The following LCK variants were observed in gnomAD, a reference collection of about 807,000 sequenced individuals.
LCK encodes LCK proto-oncogene, Src family tyrosine kinase.
A neutral mutation model predicts 64.6 loss-of-function variants in LCK; 14 were observed. The ratio of observed to expected loss-of-function variants is 0.22; its 90% confidence interval spans 0.14 to 0.34. The LOEUF (loss-of-function observed/expected upper bound fraction) is 0.34. LCK is among the 10% of genes least tolerant of loss of function. The pLI, the probability that LCK is intolerant of heterozygous loss-of-function variation, is 1.00. For missense variants in LCK, 434 were observed against 668.1 expected, an observed-to-expected ratio of 0.65 and a Z score of 3.86; for synonymous variants, 277 against 263.6, an observed-to-expected ratio of 1.05 and a Z score of -0.49.
intron 1 of LCK, among the ~76,000 whole-genome samples, chr1:32,254,063 T>C (rs745837434): frequency 1.1e-4 from 17 of 151,976 alleles, no homozygotes; most frequent in South Asian, 2.1e-4. Context: ...GGGTAGGTGG[T>C]GAGGAGCAGG....
At chr1:32,255,003 A>T (rs1374550815) in intron 1 of LCK, among the ~76,000 whole-genome samples, 3 of 152,162 alleles carry the variant, frequency 2.0e-5, no homozygotes, top group Non-Finnish European at 2.9e-5. Flanking sequence ...TTTAAAAAAA[A>T]AATAAAATTT....
Position 32,276,940 on chromosome 1 carries a change from C to G in LCK, c.964+154C>G. The G allele has an allele frequency of 1.3e-6, 1 of 766,686 alleles. No homozygotes were observed. The allele number at this position is 766,686 out of a possible 1,614,324, so 47.5% of individuals were successfully genotyped here. On this transcript the variant is annotated intron_variant, in intron 9 of 12. Coordinates refer to ENST00000336890, the MANE Select transcript of LCK (RefSeq NM_005356.5). This position sits in a 1 kb window ranked among gnomAD's most constrained non-coding sequence, Gnocchi z 4.6. ...CTGGAGACTCACCTCCAGCCGGGCGCGGTGGCTCAGGCCTGTAATCCCAGC... is the reference window on the plus strand; with the variant it reads ...CTGGAGACTCACCTCCAGCCGGGCGGGGTGGCTCAGGCCTGTAATCCCAGC...
Position 32,274,189 on chromosome 1 carries a change from G to T in LCK, c.-5-136G>T, listed in dbSNP as rs539319786. 3.4e-5 allele frequency: 51 copies of T among 1,510,506 alleles called. No individual in the cohort carries two copies. In the African/African-American group the frequency reaches 6.2e-4, roughly 18 times the overall value. 93.6% of individuals were successfully genotyped at this position (1,510,506 alleles called of 1,614,324 possible). On this transcript the variant is annotated intron_variant, in intron 1 of 12. Transcript: ENST00000336890. ...GGACCCCCTATTTTAGCTTTTCTGTGGCTGGTGAATGGGGATCCCAGGATC... is the reference window on the plus strand; with the variant it reads ...GGACCCCCTATTTTAGCTTTTCTGTTGCTGGTGAATGGGGATCCCAGGATC...
Position 32,285,591 on chromosome 1 carries a change from C to A in LCK, c.1405C>A (p.Leu469Met), listed in dbSNP as rs767828400. ...MVRPDNCPEE[L>M]YQLMRLCWKE... ...GCGCCCTGACAACTGTCCAGAGGAG[C>A]TGTACCAACTCATGAGGCTGTGCTG... Residue 469 changes from leucine to methionine, a missense_variant, in exon 13 of 13, where the codon CTG becomes ATG. Physicochemically the swap from Leu to Met is conservative, Grantham distance 15. Coordinates refer to ENST00000336890, the MANE Select transcript of LCK (RefSeq NM_005356.5). 1.5e-5 allele frequency: 24 copies of A among 1,614,224 alleles called. No homozygotes were observed. The South Asian group carries it at 2.5e-4, about 17-fold the overall frequency.
chr1:32,266,040 G>A (rs980982059), intron 1 of LCK, among the ~76,000 whole-genome samples: 2 of 152,098 alleles, frequency 1.3e-5, no homozygotes, highest in Admixed American at 6.6e-5. Flanking sequence ...GCTCACTGCC[G>A]CCTCAACCTC....
At chr1:32,272,644 AGAGAGC>A (rs1256885781) in intron 1 of LCK, among the ~76,000 whole-genome samples, 51 of 132,488 alleles carry the variant, frequency 3.8e-4, no homozygotes, top group African/African-American at 2.1e-3. Flanking sequence ...AGAGAGAGAG[AGAGAGC>A]GAGAGAGCGC....
At chr1:32,267,960 C>G (rs529018483) in intron 1 of LCK, among the ~76,000 whole-genome samples, 1 of 151,716 alleles carries the variant, frequency 6.6e-6, no homozygotes, top group African/African-American at 2.4e-5. Flanking sequence ...TTTGGGAGGC[C>G]GAGGCAGGAG....
chr1:32,271,768 A>G (rs1470878492), intron 1 of LCK, among the ~76,000 whole-genome samples: 1 of 152,208 alleles, frequency 6.6e-6, no homozygotes, highest in Non-Finnish European at 1.5e-5. Context: ...TCCAGTTGAC[A>G]TTTATTAACT....
At chr1:32,253,035 T>C (rs1639545167) in intron 1 of LCK, among the ~76,000 whole-genome samples, 1 of 152,060 alleles carries the variant, frequency 6.6e-6, no homozygotes, top group Admixed American at 6.6e-5. Context: ...AGTGGCTTCA[T>C]CTCTCTCTCT....
intron 1 of LCK, among the ~76,000 whole-genome samples, chr1:32,265,727 C>A (rs1322865803): frequency 6.6e-6 from 1 of 152,166 alleles, no homozygotes; most frequent in East Asian, 1.9e-4. Context: ...CAGGTACCAG[C>A]TTCCAGCCCC....
In LCK at chr1:32,275,474, C is replaced by G; in HGVS notation, c.377+55C>G. ...AGGAGCAGATCTAGGGATCCTGGAG[C>G]AGGGAGTAGGCCTGGGGTGGCGGTG... On this transcript the variant is annotated intron_variant, in intron 5 of 12. Coordinates refer to ENST00000336890, the MANE Select transcript of LCK (RefSeq NM_005356.5). The surrounding 1 kb of genome is among the most constrained non-coding windows in gnomAD (Gnocchi z 6.9). 3.8e-6 allele frequency: 6 copies of G among 1,588,184 alleles called. No individual in the cohort carries two copies. The highest frequency in any genetic ancestry group is 5.2e-6 in the Non-Finnish European group (6 of 1,160,616).
At chr1:32,260,219 G>T (rs1639733459) in intron 1 of LCK, among the ~76,000 whole-genome samples, 1 of 151,978 alleles carries the variant, frequency 6.6e-6, no homozygotes. Flanking sequence ...CGCCATGTTG[G>T]CCAGAATGGT....
At chr1:32,269,042 G>A (rs1640006377) in intron 1 of LCK, among the ~76,000 whole-genome samples, 1 of 150,968 alleles carries the variant, frequency 6.6e-6, no homozygotes, top group African/African-American at 2.4e-5. Flanking sequence ...GGCTGAGGGA[G>A]GAGAGACAGA....
chr1:32,252,604 G>C (rs917514338), intron 1 of LCK, among the ~76,000 whole-genome samples: 1 of 152,138 alleles, frequency 6.6e-6, no homozygotes, highest in Non-Finnish European at 1.5e-5. Flanking sequence ...ATTCACCCTG[G>C]ACAGGCATGA....
chr1:32,262,046 G>T (rs1451925262), intron 1 of LCK, among the ~76,000 whole-genome samples: 1 of 147,394 alleles, frequency 6.8e-6, no homozygotes, highest in Non-Finnish European at 1.5e-5. Context: ...ACCACACCCA[G>T]ATAATCTTTG....
In LCK at chr1:32,285,504, C is replaced by A. The variant is rs1328956722; in HGVS notation, c.1328-10C>A. The A allele has an allele frequency of 3.7e-6, 6 of 1,613,868 alleles. No individual in the cohort carries two copies. The highest frequency in any genetic ancestry group is 5.1e-6 in the Non-Finnish European group (6 of 1,179,774). On this transcript the variant is annotated splice_polypyrimidine_tract_variant and intron_variant, in intron 12 of 12. Coordinates refer to ENST00000336890, the MANE Select transcript of LCK (RefSeq NM_005356.5). ...CTGACCTTGATGTCCTTTCACCCATCAACCCGTAGGGATGACCAACCCGGA... is the reference window on the plus strand; with the variant it reads ...CTGACCTTGATGTCCTTTCACCCATAAACCCGTAGGGATGACCAACCCGGA...
At chr1:32,261,054 T>TTTTAA (rs1639755367) in intron 1 of LCK, among the ~76,000 whole-genome samples, 1 of 152,036 alleles carries the variant, frequency 6.6e-6, no homozygotes. Flanking sequence ...TAAAAATTTT[T>TTTTAA]TTTAATTTAA....
At chr1:32,262,868 G>GAAA (rs539749343) in intron 1 of LCK, among the ~76,000 whole-genome samples, 1,453 of 85,548 alleles carry the variant, frequency 0.017, 26 homozygotes, top group African/African-American at 0.051. Context: ...GAGGAAGGGA[G>GAAA]AAAAAAAAAA....
At chr1:32,278,154 G>A (rs1194264997) in intron 9 of LCK, among the ~76,000 whole-genome samples, 2 of 152,134 alleles carry the variant, frequency 1.3e-5, no homozygotes, top group African/African-American at 4.8e-5. Flanking sequence ...ACTCCAACCT[G>A]GGTAACAGAG....
Sources: allele counts gnomAD v4.1 joint callset (sites outside exome capture counted in the v4.1 genomes callset), GRCh38; gene constraint gnomAD v4.1.1; non-coding constraint Gnocchi (gnomAD v3.1); transcripts MANE v1.5; gene names NCBI Gene and HGNC (gene_info 2026-07-23, HGNC 2026-07-21).